AFG1L: variants seen among roughly 807,000 people sequenced by gnomAD.
The protein encoded by AFG1L is AFG1 like ATPase, also known as AFG1-like ATPase.
Under a neutral mutation model 62.2 loss-of-function variants are expected in AFG1L, and 53 were observed. That is an observed-to-expected ratio of 0.85 (90% CI 0.68 to 1.07). The LOEUF (loss-of-function observed/expected upper bound fraction) is 1.07, where lower values mean the gene tolerates loss of function less well. Among genes scored for constraint, AFG1L ranks in the 50% least tolerant of loss-of-function variants. The pLI is 0.00. For synonymous variants in AFG1L, 228 were observed against 210.3 expected, an observed-to-expected ratio of 1.08 and a Z score of -0.73; for missense variants, 555 against 590.5, an observed-to-expected ratio of 0.94 and a Z score of 0.62.
At chr6:108,324,157 C>A in intron 2 of AFG1L, 109 bp downstream of exon 2, 1 of 742,908 alleles carries the variant, frequency 1.3e-6, no homozygotes, top group South Asian at 2.0e-5. Flanking sequence ...AAATTTTCAC[C>A]AGTTCCTTTA....
intron 2 of AFG1L, among the ~76,000 whole-genome samples, chr6:108,344,455 G>A (rs571322107): frequency 5.4e-4 from 82 of 152,130 alleles, no homozygotes; most frequent in African/African-American, 1.9e-3. Context: ...TGGATGTAGT[G>A]GTGTCCACCT....
chr6:108,466,111 T>C (rs531852254), intron 8 of AFG1L, among the ~76,000 whole-genome samples: 2 of 152,198 alleles, frequency 1.3e-5, no homozygotes, highest in Non-Finnish European at 2.9e-5. Flanking sequence ...TCATTTATAA[T>C]TTATCCACCA....
chr6:108,510,157 A>G, intron 10 of AFG1L, 55 bp from the exon 11 acceptor site: 3 of 1,423,624 alleles, frequency 2.1e-6, no homozygotes, highest in South Asian at 2.6e-5. Flanking sequence ...AACCACTCCA[A>G]AGGCAACCAG....
intron 7 of AFG1L, among the ~76,000 whole-genome samples, chr6:108,429,215 T>C (rs1451625235): frequency 6.6e-6 from 1 of 152,190 alleles, no homozygotes; most frequent in African/African-American, 2.4e-5. Flanking sequence ...TCTGTTCTCA[T>C]GCTGCTAATA....
At chr6:108,509,622 C>T (rs1051222608) in intron 10 of AFG1L, among the ~76,000 whole-genome samples, 1 of 152,100 alleles carries the variant, frequency 6.6e-6, no homozygotes, top group African/African-American at 2.4e-5. Context: ...AAGGCTGTGG[C>T]TAGAGATATT....
chr6:108,425,740 T>C (rs563761235), intron 7 of AFG1L, among the ~76,000 whole-genome samples: 2 of 152,284 alleles, frequency 1.3e-5, no homozygotes, highest in East Asian at 3.8e-4. Flanking sequence ...TTAATTATAT[T>C]CCCAATTGCT....
chr6:108,378,197 G>C (rs1582472301), intron 6 of AFG1L, among the ~76,000 whole-genome samples: 1 of 151,574 alleles, frequency 6.6e-6, no homozygotes, highest in Non-Finnish European at 1.5e-5. Flanking sequence ...ATTTCTTTTT[G>C]AGATGTTTAT....
intron 6 of AFG1L, among the ~76,000 whole-genome samples, chr6:108,386,846 G>A: frequency 6.6e-6 from 1 of 152,044 alleles, no homozygotes; most frequent in East Asian, 1.9e-4. Context: ...AGTAGAGCAT[G>A]AAAAGCTAAG....
At chr6:108,409,488 A>G (rs575474105) in intron 7 of AFG1L, among the ~76,000 whole-genome samples, 5 of 152,298 alleles carry the variant, frequency 3.3e-5, no homozygotes, top group Admixed American at 2.6e-4. Flanking sequence ...TGAACTAACA[A>G]GTAAAAGCAC....
intron 1 of AFG1L, among the ~76,000 whole-genome samples, chr6:108,317,305 G>A (rs887967700): frequency 1.3e-5 from 2 of 152,134 alleles, no homozygotes; most frequent in African/African-American, 2.4e-5. Flanking sequence ...TGCAGGCTTC[G>A]AGCTGAGGGT....
At chr6:108,476,037 C>A (rs184715920) in intron 8 of AFG1L, among the ~76,000 whole-genome samples, 331 of 152,154 alleles carry the variant, frequency 2.2e-3, no homozygotes, top group African/African-American at 7.7e-3. Flanking sequence ...AGTAAACTTA[C>A]ATTTTTACTT....
chr6:108,361,843 C>T (rs1582438743), intron 5 of AFG1L, among the ~76,000 whole-genome samples: 1 of 152,128 alleles, frequency 6.6e-6, no homozygotes, highest in Non-Finnish European at 1.5e-5. Flanking sequence ...GTGCCCCTTA[C>T]CCACCTTTTT....
intron 7 of AFG1L, among the ~76,000 whole-genome samples, chr6:108,443,498 G>A (rs1045446830): frequency 5.3e-5 from 8 of 152,148 alleles, no homozygotes; most frequent in Admixed American, 1.3e-4. Flanking sequence ...ATTGTAAGAA[G>A]AACATGTTGG....
Position 108,504,569 on chromosome 6 carries a change from A to G in AFG1L, c.1063-5643A>G, listed in dbSNP as rs528212391. Among the ~76,000 whole-genome samples the G allele has an allele frequency of 4.6e-5, 7 of 152,352 alleles. No homozygotes were observed. In the South Asian group the frequency reaches 1.5e-3, roughly 32 times the overall value. Reference sequence around the variant, plus strand: ...GATGTAATAGTAATGAAAAAGTGTGACATATTGTGGCAGTTAACAAAATGT... The same window carrying G: ...GATGTAATAGTAATGAAAAAGTGTGGCATATTGTGGCAGTTAACAAAATGT... On this transcript the variant is annotated intron_variant, in intron 10 of 12. Coordinates refer to ENST00000368977, the MANE Select transcript of AFG1L (RefSeq NM_145315.5).
At chr6:108,460,362 T>C (rs947511547) in intron 8 of AFG1L, among the ~76,000 whole-genome samples, 1 of 152,172 alleles carries the variant, frequency 6.6e-6, no homozygotes, top group Non-Finnish European at 1.5e-5. Flanking sequence ...ATCAGGAACC[T>C]ATTTGTATCT....
intron 6 of AFG1L, among the ~76,000 whole-genome samples, chr6:108,376,905 A>C (rs911384365): frequency 1.3e-5 from 2 of 152,120 alleles, no homozygotes; most frequent in African/African-American, 2.4e-5. Flanking sequence ...TTGTTTTATG[A>C]ATCTGGATGC....
chr6:108,509,953 A>C (rs1774578128), intron 10 of AFG1L, among the ~76,000 whole-genome samples: 1 of 152,254 alleles, frequency 6.6e-6, no homozygotes, highest in Non-Finnish European at 1.5e-5. Context: ...CATATTAGGT[A>C]TGTAGTTATG....
At chr6:108,517,142 G>T (rs1774928557) in intron 11 of AFG1L, among the ~76,000 whole-genome samples, 1 of 152,110 alleles carries the variant, frequency 6.6e-6, no homozygotes, top group Non-Finnish European at 1.5e-5. Context: ...CACAGAATTG[G>T]CAAAAACTAC....
intron 1 of AFG1L, among the ~76,000 whole-genome samples, chr6:108,321,566 A>G (rs901057652): frequency 1.3e-5 from 2 of 152,226 alleles, no homozygotes; most frequent in African/African-American, 4.8e-5. Flanking sequence ...AAACACTCCT[A>G]TTACTCAGGA....
Sources: allele counts gnomAD v4.1 joint callset (sites outside exome capture counted in the v4.1 genomes callset), GRCh38; gene constraint gnomAD v4.1.1; transcripts MANE v1.5; gene names NCBI Gene and HGNC (gene_info 2026-07-23, HGNC 2026-07-21).